CSNK1D: variants seen among roughly 807,000 people sequenced by gnomAD.
CSNK1D encodes casein kinase 1 delta, also known as casein kinase I isoform delta.
Under a neutral mutation model 46.6 loss-of-function variants are expected in CSNK1D, and 16 were observed. The ratio of observed to expected loss-of-function variants is 0.34; its 90% CI spans 0.23 to 0.52. CSNK1D has a LOEUF of 0.52. Among genes scored for constraint, CSNK1D ranks in the 20% least tolerant of loss-of-function variants. CSNK1D has a pLI of 0.95. For synonymous variants in CSNK1D, 276 were observed against 228.2 expected (o/e 1.21, Z -1.89); for missense variants, 398 against 578.4 (o/e 0.69, Z 3.20).
Position 82,250,126 on chromosome 17 carries a change from C to T in CSNK1D, c.886-524G>A, listed in dbSNP as rs943637933. ...GCAGCCGGCAGCCGGATCTGTGCTG[C>T]ACTATCCAGATGCACGGGGGTGGGG... is the stretch of plus-strand genomic sequence containing the variant. On this transcript the variant is annotated intron_variant, in intron 6 of 8. Transcript: ENST00000314028. This position sits in a 1 kb window ranked among gnomAD's most constrained non-coding sequence, Gnocchi z 4.6. 1 of 1,290,752 alleles carries T rather than the reference C, an allele frequency of 7.7e-7. No homozygotes were observed. The highest frequency in any genetic ancestry group is 1.5e-5 in the African/African-American group (1 of 66,014). The allele number at this position is 1,290,752 out of a possible 1,614,324, so 80.0% of individuals were successfully genotyped here.
At chr17:82,265,484 G>A (rs1568582234) in intron 2 of CSNK1D, 1 of 600,798 alleles carries the variant, frequency 1.7e-6, no homozygotes, top group Admixed American at 2.4e-5. Context: ...CGGCCCATAA[G>A]ATGTTTCTTT....
At chr17:82,266,404 C>G (rs899373667) in intron 1 of CSNK1D, among the ~76,000 whole-genome samples, 7 of 152,244 alleles carry the variant, frequency 4.6e-5, no homozygotes, top group African/African-American at 1.7e-4. Flanking sequence ...CGCCTGTTTT[C>G]AACGCCCTAA....
At chr17:82,240,154 A>C (rs1568545034), downstream of CSNK1D, 1 of 1,006,506 alleles carries the variant, frequency 9.9e-7, no homozygotes, top group East Asian at 3.3e-5. Flanking sequence ...GAGCTCTTGC[A>C]GCCCAGGCTC....
rs1490240332 is a variant in CSNK1D, at chr17:82,249,747, G to A, written c.886-145C>T. 6.0e-6 allele frequency: 9 copies of A among 1,495,840 alleles called. No individual in the cohort carries two copies. The highest frequency in any genetic ancestry group is 2.4e-4 in the Middle Eastern group (1 of 4,220). 92.7% of individuals were successfully genotyped at this position (1,495,840 alleles called of 1,614,324 possible). A position where few individuals can be genotyped will look rare whatever the true frequency, so the allele number is the denominator to read the frequency against. ...CTGCAAAGCCCCCCACAGGCTGCAC[G>A]TTTCTCCTCATGGGATGACAGCATC... On this transcript the variant is annotated intron_variant, in intron 6 of 8. Transcript: ENST00000314028. This position sits in a 1 kb window ranked among gnomAD's most constrained non-coding sequence, Gnocchi z 6.7.
At chr17:82,257,377 T>C (rs2051199086) in intron 2 of CSNK1D, among the ~76,000 whole-genome samples, 1 of 152,196 alleles carries the variant, frequency 6.6e-6, no homozygotes, top group Non-Finnish European at 1.5e-5. Flanking sequence ...TATGAGTGCT[T>C]TCAGTATCTT....
chr17:82,251,654 G>T lies in CSNK1D; in HGVS notation c.737-127C>A. 2.1e-6 allele frequency: 2 copies of T among 969,498 alleles called. No individual in the cohort carries two copies. Among genetic ancestry groups the T allele is most frequent in the Non-Finnish European group, 3.2e-6 (2 of 619,348 alleles). The allele number at this position is 969,498 out of a possible 1,614,324, so 60.1% of individuals were successfully genotyped here. On this transcript the variant is annotated intron_variant, in intron 5 of 8. Transcript: ENST00000314028. The surrounding 1 kb of genome is among the most constrained non-coding windows in gnomAD (Gnocchi z 4.5). The stretch of plus-strand genomic sequence containing the variant: ...GGAGAAGGACAGATGCAAAACACCT[G>T]TCAGATTTCTAAGACCTGAAGCCTT...
rs372649270 is a variant in CSNK1D, at chr17:82,248,552, G to C, written c.1197+323C>G. On this transcript the variant is annotated intron_variant, in intron 8 of 8. Transcript: ENST00000314028. This position sits in a 1 kb window ranked among gnomAD's most constrained non-coding sequence, Gnocchi z 4.1. Reference sequence around the variant, plus strand: ...ACAATGGGGCGCAAGCAGGCGAGCGGTGTCAGCTGCCTGGGGACGGCTGCG... The same window carrying C: ...ACAATGGGGCGCAAGCAGGCGAGCGCTGTCAGCTGCCTGGGGACGGCTGCG... 1 of 1,202,806 alleles carries C rather than the reference G, an allele frequency of 8.3e-7. No individual in the cohort carries two copies. The highest frequency in any genetic ancestry group is 1.6e-5 in the African/African-American group (1 of 63,688). 74.5% of individuals were successfully genotyped at this position (1,202,806 alleles called of 1,614,324 possible).
chr17:82,250,431 G>A lies in CSNK1D; in HGVS notation c.886-829C>T, dbSNP rs1162012497. On this transcript the variant is annotated intron_variant, in intron 6 of 8. Transcript: ENST00000314028. The surrounding 1 kb of genome is among the most constrained non-coding windows in gnomAD (Gnocchi z 4.6). The stretch of plus-strand genomic sequence containing the variant: ...GCTCTGAGGGCCGGGTGACTCTAAT[G>A]CCGCAGGAGGGTCGCTCTGATTCCT... 1 of 346,888 alleles carries A rather than the reference G, an allele frequency of 2.9e-6. No homozygotes were observed. Among genetic ancestry groups the A allele is most frequent in the Non-Finnish European group, 5.7e-6 (1 of 174,542 alleles). 21.5% of individuals were successfully genotyped at this position (346,888 alleles called of 1,614,324 possible). A position where few individuals can be genotyped will look rare whatever the true frequency, so the allele number is the denominator to read the frequency against.
chr17:82,239,181 C>G, downstream of CSNK1D: 1 of 490,132 alleles, frequency 2.0e-6, no homozygotes, highest in Middle Eastern at 5.4e-4. Context: ...GCGGTGAAGC[C>G]AAGCCGCAAG....
chr17:82,242,143 G>A (rs1372714314), downstream of CSNK1D, among the ~76,000 whole-genome samples: 1 of 150,748 alleles, frequency 6.6e-6, no homozygotes, highest in Non-Finnish European at 1.5e-5. Flanking sequence ...AGGAGTTGGT[G>A]CAGACCTCCC....
At chr17:82,240,026 C>T, downstream of CSNK1D, 1 of 1,233,810 alleles carries the variant, frequency 8.1e-7, no homozygotes. Context: ...CCCTGGCGGG[C>T]CGCGTGCAGC....
chr17:82,239,128 G>A, downstream of CSNK1D: 1 of 708,884 alleles, frequency 1.4e-6, no homozygotes, highest in Non-Finnish European at 2.2e-6. Flanking sequence ...GTTTTGAGGG[G>A]GAAGGTGGCG....
intron 3 of CSNK1D, chr17:82,253,750 C>T (rs535770451): frequency 1.2e-4 from 37 of 299,122 alleles, no homozygotes; most frequent in East Asian, 9.4e-4. Flanking sequence ...CCAGAAGCCT[C>T]GAGAAGCCAG....
In CSNK1D at chr17:82,252,638, A is replaced by T. The variant is rs1365240163; in HGVS notation, c.566-34T>A. ...AAAAGGGAAAGGCGTGAAGAACGGC[A>T]CTTGCGTGCTCACGTCAAAGCAAAA... On this transcript the variant is annotated intron_variant, in intron 4 of 8. Transcript: ENST00000314028. The surrounding 1 kb of genome is among the most constrained non-coding windows in gnomAD (Gnocchi z 4.6). The T allele has an allele frequency of 6.2e-7, 1 of 1,605,566 alleles. No homozygotes were observed. The highest frequency in any genetic ancestry group is 1.7e-5 in the Admixed American group (1 of 59,002).
chr17:82,248,246 T>C lies in CSNK1D; in HGVS notation c.1197+629A>G, dbSNP rs1377747468. 5.1e-6 allele frequency: 5 copies of C among 986,014 alleles called. No individual in the cohort carries two copies. The highest frequency in any genetic ancestry group is 1.7e-5 in the African/African-American group (1 of 57,208). The allele number at this position is 986,014 out of a possible 1,614,324, so 61.1% of individuals were successfully genotyped here. A position where few individuals can be genotyped will look rare whatever the true frequency, so the allele number is the denominator to read the frequency against. On this transcript the variant is annotated intron_variant, in intron 8 of 8. Transcript: ENST00000314028. This position sits in a 1 kb window ranked among gnomAD's most constrained non-coding sequence, Gnocchi z 4.1. The stretch of plus-strand genomic sequence containing the variant: ...AGCTGTTCTAGTTCAAAGAGCACGT[T>C]AGCAAACGCAAAAGACAACAAAAGC...
Position 82,253,001 on chromosome 17 carries a change from T to C in CSNK1D, c.565+15A>G. The C allele has an allele frequency of 6.2e-7, 1 of 1,612,260 alleles. No homozygotes were observed. Among genetic ancestry groups the C allele is most frequent in the Admixed American group, 1.7e-5 (1 of 59,994 alleles). On this transcript the variant is annotated intron_variant, in intron 4 of 8. Coordinates refer to ENST00000314028, the MANE Select transcript of CSNK1D (RefSeq NM_001893.6). ...AAGGCACCCCAGGTCAGTGACCCCA[T>C]GCCCAGGGGCTCACCAATTCCAAGG... is the stretch of plus-strand genomic sequence containing the variant.
intron 3 of CSNK1D, chr17:82,253,931 C>T (rs1244300949): frequency 2.6e-4 from 62 of 237,968 alleles, no homozygotes; most frequent in South Asian, 5.1e-4. Context: ...TGAGCTGAGC[C>T]GCCGGAGCCT....
downstream of CSNK1D, chr17:82,239,095 C>A: frequency 9.9e-7 from 1 of 1,005,218 alleles, no homozygotes; most frequent in East Asian, 2.7e-5. Flanking sequence ...GCTGCCGGCC[C>A]AGCGGATCGT....
chr17:82,273,602 A>C lies in CSNK1D; in HGVS notation c.-221T>G. 1.7e-6 allele frequency: 1 copy of C among 579,724 alleles called. No individual in the cohort carries two copies. The highest frequency in any genetic ancestry group is 3.0e-6 in the Non-Finnish European group (1 of 334,218). 35.9% of individuals were successfully genotyped at this position (579,724 alleles called of 1,614,324 possible). ...CGCCGCCGCCGCTGCTCCGGCCCCT[A>C]CCGGTCCCGCTTGCCCTCTCCCCGC... is the stretch of plus-strand genomic sequence containing the variant. On this transcript the variant is annotated 5_prime_UTR_variant, in exon 1 of 9. Transcript: ENST00000314028. The surrounding 1 kb of genome is among the most constrained non-coding windows in gnomAD (Gnocchi z 5.1).
Sources: gnomAD v4.1 joint callset for allele counts (sites outside exome capture counted in the v4.1 genomes callset) on GRCh38, gnomAD v4.1.1 for gene constraint, Gnocchi (gnomAD v3.1) non-coding constraint, MANE v1.5 for transcripts, NCBI Gene and HGNC (gene_info 2026-07-23, HGNC 2026-07-21) for gene names.